THAP6: variants seen among roughly 807,000 people sequenced by gnomAD.
THAP6 encodes THAP domain-containing protein 6.
THAP6 carries 13 observed loss-of-function variants against 20.0 expected under a neutral mutation model. The ratio of observed to expected loss-of-function variants is 0.65; its 90% CI spans 0.42 to 1.03. The LOEUF (loss-of-function observed/expected upper bound fraction) is 1.03, where lower values mean the gene tolerates loss of function less well. THAP6 is among the 50% of genes least tolerant of loss of function. The pLI, the probability that THAP6 is intolerant of heterozygous loss-of-function variation, is 0.00. For missense variants in THAP6, 262 were observed against 261.6 expected, an observed-to-expected ratio of 1.00 and a Z score of -0.01; for synonymous variants, 93 against 92.2, an observed-to-expected ratio of 1.01 and a Z score of -0.05.
intron 2 of THAP6, among the ~76,000 whole-genome samples, chr4:75,541,696 C>T (rs895909245): frequency 2.6e-4 from 40 of 152,290 alleles, no homozygotes; most frequent in African/African-American, 9.6e-4. Flanking sequence ...GTGGCTCATG[C>T]CTGTAATCCA....
chr4:75,544,674 T>C (rs1315110546), intron 3 of THAP6: 1 of 145,114 alleles, frequency 6.9e-6, no homozygotes, highest in African/African-American at 2.5e-5. Context: ...TAGGACTCTG[T>C]TTTTTTTTTT....
intron 3 of THAP6, chr4:75,544,275 A>G (rs1438078759): frequency 6.6e-6 from 1 of 152,182 alleles, no homozygotes; most frequent in Non-Finnish European, 1.5e-5. Context: ...CTATTTCAGC[A>G]TGTATCTCTA....
downstream of THAP6, among the ~76,000 whole-genome samples, chr4:75,532,327 C>A (rs1480952895): frequency 6.6e-6 from 1 of 152,228 alleles, no homozygotes; most frequent in African/African-American, 2.4e-5. Flanking sequence ...GTCTCACATT[C>A]AGGTAATGCT....
At position 75,526,944 on chromosome 4, in the gene THAP6, G is replaced by A. The variant is rs954579405; in HGVS notation, c.415-16G>A. On this transcript the variant is annotated splice_polypyrimidine_tract_variant and intron_variant, in intron 4 of 4. Coordinates refer to ENST00000311638, the MANE Select transcript of THAP6 (RefSeq NM_144721.6). ...CATATCTGTCTGATTTAATAACTTGGTGTTTATGTTTTTAGGAACATAGCT... is the reference window on the plus strand; with the variant it reads ...CATATCTGTCTGATTTAATAACTTGATGTTTATGTTTTTAGGAACATAGCT... 2.5e-6 allele frequency: 4 copies of A among 1,608,588 alleles called. No homozygotes were observed. The African/African-American group carries it at 5.4e-5, about 22-fold the overall frequency.
chr4:75,526,565 C>T (rs555848823), intron 4 of THAP6, among the ~76,000 whole-genome samples: 25 of 152,274 alleles, frequency 1.6e-4, no homozygotes, highest in African/African-American at 5.8e-4. Flanking sequence ...CCTGTCACAC[C>T]TTATCAAATG....
intron 4 of THAP6, 41 bp from the exon 5 acceptor site, chr4:75,526,919 C>T (rs780314363): frequency 4.4e-6 from 7 of 1,597,398 alleles, no homozygotes; most frequent in Non-Finnish European, 6.0e-6. Flanking sequence ...TATCCAACTA[C>T]ATATCTGTCT....
At chr4:75,525,047 G>T (rs1406963515) in intron 4 of THAP6, among the ~76,000 whole-genome samples, 3 of 152,124 alleles carry the variant, frequency 2.0e-5, no homozygotes, top group Admixed American at 2.0e-4. Flanking sequence ...GAGCCACCGT[G>T]CTGGACAATA....
chr4:75,531,237 T>C (rs1473400005), downstream of THAP6, among the ~76,000 whole-genome samples: 1 of 152,194 alleles, frequency 6.6e-6, no homozygotes, highest in Non-Finnish European at 1.5e-5. Flanking sequence ...GGGGGCTGTA[T>C]GACCAGCCCC....
At chr4:75,519,757 T>A (rs898917758) in intron 3 of THAP6, among the ~76,000 whole-genome samples, 2 of 151,852 alleles carry the variant, frequency 1.3e-5, no homozygotes, top group Non-Finnish European at 2.9e-5. Flanking sequence ...GTTCCAAGTC[T>A]TTGCTATTGT....
rs1387183957 is a variant in THAP6, at chr4:75,516,871, G to A, written c.180G>A (p.Val60=). ...TTTGGGAGCCTAAAAAAGGAGATGT[G>A]TTGTGTTCGAGGCACTTTAAGAAGA... ...AGIWEPKKGD[V]LCSRHFKKTD... is the part of the protein sequence containing the mutation. The change falls in exon 3 of 5, where the codon GTG becomes GTA. Residue 60 remains valine (V), a synonymous_variant. Coordinates refer to ENST00000311638, the MANE Select transcript of THAP6 (RefSeq NM_144721.6). 1 of 1,613,996 alleles carries A rather than the reference G, an allele frequency of 6.2e-7. No homozygotes were observed. The highest frequency in any genetic ancestry group is 8.5e-7 in the Non-Finnish European group (1 of 1,180,026).
At position 75,528,138 on chromosome 4, in the gene THAP6, AG is replaced by A; in HGVS notation, c.*926del. The A allele has an allele frequency of 1.0e-6, 1 of 985,150 alleles. No individual in the cohort carries two copies. Among genetic ancestry groups the A allele is most frequent in the African/African-American group, 1.7e-5 (1 of 57,372 alleles). The allele number at this position is 985,150 out of a possible 1,614,324, so 61.0% of individuals were successfully genotyped here. A position where few individuals can be genotyped will look rare whatever the true frequency, so the allele number is the denominator to read the frequency against. ...TAACTGTGGCTCTTCCAGTTGAAAT[AG>A]GAATTGGAGAGAAAGGATTAGAATA... On this transcript the variant is annotated 3_prime_UTR_variant, in exon 5 of 5. Transcript: ENST00000311638.
chr4:75,531,535 G>A (rs1013048788), downstream of THAP6, among the ~76,000 whole-genome samples: 3 of 152,184 alleles, frequency 2.0e-5, no homozygotes, highest in Non-Finnish European at 4.4e-5. Context: ...TGCTCTTGGG[G>A]ACCTCAACAC....
chr4:75,539,393 G>A (rs973403899), intron 2 of THAP6, among the ~76,000 whole-genome samples: 1 of 152,100 alleles, frequency 6.6e-6, no homozygotes, highest in African/African-American at 2.4e-5. Flanking sequence ...GAGAACAACA[G>A]GAATAAGGTG....
chr4:75,521,158 T>A (rs540183490), intron 3 of THAP6, among the ~76,000 whole-genome samples: 1 of 152,008 alleles, frequency 6.6e-6, no homozygotes, highest in African/African-American at 2.4e-5. Context: ...CAGGCTTTTT[T>A]CAATGTAGTC....
At chr4:75,530,332 G>A (rs1726641081), downstream of THAP6, among the ~76,000 whole-genome samples, 2 of 152,200 alleles carry the variant, frequency 1.3e-5, no homozygotes, top group Non-Finnish European at 2.9e-5. Context: ...GTCAGGCATT[G>A]TGCTTTCTTC....
intron 4 of THAP6, among the ~76,000 whole-genome samples, chr4:75,522,920 T>C (rs1578267071): frequency 6.6e-6 from 1 of 152,188 alleles, no homozygotes; most frequent in Admixed American, 6.5e-5. Context: ...AGATATCCCT[T>C]TGATGTACTG....
chr4:75,530,743 G>C (rs910009284), downstream of THAP6, among the ~76,000 whole-genome samples: 13 of 152,180 alleles, frequency 8.5e-5, no homozygotes, highest in Non-Finnish European at 1.8e-4. Flanking sequence ...GCACCCAATG[G>C]TTGTATGGCA....
exon 3 of THAP6, chr4:75,542,415 A>T (rs754732368): frequency 1.4e-6 from 1 of 701,692 alleles, no homozygotes; most frequent in African/African-American, 1.7e-5. Context: ...TCAGATATCC[A>T]TGTTCAAGAG....
At chr4:75,514,306 A>C (rs766392966), upstream of THAP6, 1 of 1,604,550 alleles carries the variant, frequency 6.2e-7, no homozygotes, top group Non-Finnish European at 8.5e-7. Context: ...CTCCCCTCAC[A>C]TTCCACCGAT....
Sources: allele counts gnomAD v4.1 joint callset (sites outside exome capture counted in the v4.1 genomes callset), GRCh38; gene constraint gnomAD v4.1.1; transcripts MANE v1.5; gene names NCBI Gene and HGNC (gene_info 2026-07-23, HGNC 2026-07-21).